AGAP1: variants seen among roughly 807,000 people sequenced by gnomAD.
The protein encoded by AGAP1 is ArfGAP with GTPase domain, ankyrin repeat and PH domain 1.
A neutral mutation model predicts 105.3 loss-of-function variants in AGAP1; 29 were observed. The observed-to-expected ratio is 0.28, with a 90% confidence interval of 0.21 to 0.38. The LOEUF (loss-of-function observed/expected upper bound fraction) is 0.38, where lower values mean the gene tolerates loss of function less well. Ranked by LOEUF, AGAP1 falls within the 10% of genes least tolerant of loss-of-function variation. AGAP1 has a pLI of 1.00. For missense variants in AGAP1, 998 were observed against 1,165.1 expected (o/e 0.86, Z 2.09); for synonymous variants, 509 against 485.9 (o/e 1.05, Z -0.63).
chr2:235,548,210 C>T (rs757754236), intron 1 of AGAP1, among the ~76,000 whole-genome samples: 20 of 152,222 alleles, frequency 1.3e-4, no homozygotes, highest in Non-Finnish European at 2.5e-4. Flanking sequence ...CTGGTAGTGA[C>T]AGGGCTGCCC....
At chr2:236,010,585 T>C (rs1356716538) in intron 13 of AGAP1, among the ~76,000 whole-genome samples, 1 of 152,186 alleles carries the variant, frequency 6.6e-6, no homozygotes, top group African/African-American at 2.4e-5. Flanking sequence ...AGAAAGTCCA[T>C]ACATAGCCAG....
At chr2:235,666,412 T>C (rs1443921790) in intron 1 of AGAP1, among the ~76,000 whole-genome samples, 1 of 152,082 alleles carries the variant, frequency 6.6e-6, no homozygotes, top group African/African-American at 2.4e-5. Flanking sequence ...GTCGGGAGCA[T>C]GTGTCTTCTT....
chr2:235,852,825 CCCAGCTGTCCGGGGCCATGATGAA>C, intron 9 of AGAP1: 5 of 1,502,478 alleles, frequency 3.3e-6, no homozygotes, highest in Non-Finnish European at 4.5e-6. Flanking sequence ...CCACAATCAG[CCCAGCTGTCCGGGGCCATGATGAA>C]TTAGCGGTGG....
At position 236,104,422 on chromosome 2, in the gene AGAP1, CAG is replaced by C. The variant is rs376100556; in HGVS notation, c.2115-15769_2115-15768del. Among the ~76,000 whole-genome samples, 4 of 152,274 alleles carry C rather than the reference CAG, an allele frequency of 2.6e-5. No individual in the cohort carries two copies. The highest frequency in any genetic ancestry group is 7.2e-5 in the African/African-American group (3 of 41,480). ...GCAGCCTCATCAAATGACTCCCCAACAGGGGTGGATCCTGCCCCTCGACCAGC... is the reference window on the plus strand; with the variant it reads ...GCAGCCTCATCAAATGACTCCCCAACGGGTGGATCCTGCCCCTCGACCAGC... On this transcript the variant is annotated intron_variant, in intron 16 of 17. Coordinates refer to ENST00000304032, the MANE Select transcript of AGAP1 (RefSeq NM_001037131.3). The surrounding 1 kb of genome is among the most constrained non-coding windows in gnomAD (Gnocchi z 4.7).
rs1016734905 is a variant in AGAP1 at position 235,620,888 on chromosome 2, G to A, written c.164-88291G>A. ...AATTGCAGCCCTACAGCTTTTATTG[G>A]TGACAAGTTCTTGACTCCCCATCAC... On this transcript the variant is annotated intron_variant, in intron 1 of 17. Coordinates refer to ENST00000304032, the MANE Select transcript of AGAP1 (RefSeq NM_001037131.3). The surrounding 1 kb of genome is among the most constrained non-coding windows in gnomAD (Gnocchi z 4.5). Among the ~76,000 whole-genome samples the A allele has an allele frequency of 7.9e-5, 12 of 152,160 alleles. No individual in the cohort carries two copies. The highest frequency in any genetic ancestry group is 3.9e-4 in the Admixed American group (6 of 15,280).
chr2:236,052,332 AAC>A (rs2125719625), intron 16 of AGAP1, among the ~76,000 whole-genome samples: 1 of 152,150 alleles, frequency 6.6e-6, no homozygotes, highest in East Asian at 1.9e-4. Context: ...CAAACACACA[AAC>A]ACACACAGAT....
intron 6 of AGAP1, among the ~76,000 whole-genome samples, chr2:235,785,589 T>C (rs1956577238): frequency 6.6e-6 from 1 of 152,118 alleles, no homozygotes; most frequent in Non-Finnish European, 1.5e-5. Context: ...TAGCATAATC[T>C]ATTTTTCTTT....
chr2:235,511,484 C>T (rs1031739155), intron 1 of AGAP1, among the ~76,000 whole-genome samples: 1 of 152,050 alleles, frequency 6.6e-6, no homozygotes, highest in Non-Finnish European at 1.5e-5. Context: ...TGTGACTCTC[C>T]CTCACTCCTC....
chr2:235,868,008 G>A (rs1435045853), intron 9 of AGAP1, among the ~76,000 whole-genome samples: 3 of 152,164 alleles, frequency 2.0e-5, no homozygotes, highest in Non-Finnish European at 4.4e-5. Context: ...AAATGCAAAT[G>A]TGTGATTGGT....
intron 1 of AGAP1, among the ~76,000 whole-genome samples, chr2:235,544,476 C>G (rs575397832): frequency 7.2e-5 from 11 of 152,356 alleles, no homozygotes; most frequent in African/African-American, 2.6e-4. Context: ...CTGAACCTTC[C>G]CGTGGTCCGT....
rs961850855 is a variant in AGAP1 at position 235,600,496 on chromosome 2, A to G, written c.163+105647A>G. The stretch of plus-strand genomic sequence containing the variant: ...TAGGGTTCTCTAGAGGGATGGAACC[A>G]ATAGGCCAGATATGTAATAAAGGGG... On this transcript the variant is annotated intron_variant, in intron 1 of 17. Transcript: ENST00000304032. The surrounding 1 kb of genome is among the most constrained non-coding windows in gnomAD (Gnocchi z 4.8). Among the ~76,000 whole-genome samples the G allele has an allele frequency of 6.6e-6, 1 of 152,086 alleles. No homozygotes were observed. The highest frequency in any genetic ancestry group is 2.4e-5 in the African/African-American group (1 of 41,392).
chr2:235,798,866 G>C (rs1190391728), intron 7 of AGAP1, among the ~76,000 whole-genome samples: 1 of 106,676 alleles, frequency 9.4e-6, no homozygotes, highest in Admixed American at 1.2e-4. Context: ...GTGAGACCCT[G>C]TCTCAAAAAA....
At chr2:235,779,071 G>A (rs1016967548) in intron 6 of AGAP1, among the ~76,000 whole-genome samples, 1 of 152,230 alleles carries the variant, frequency 6.6e-6, no homozygotes, top group Admixed American at 6.5e-5. Context: ...TTGCCTCACT[G>A]AGCTGGGAAC....
Position 235,977,032 on chromosome 2 carries a change from C to T in AGAP1, c.1645+8409C>T, listed in dbSNP as rs1012905238. Among the ~76,000 whole-genome samples the T allele has an allele frequency of 6.6e-6, 1 of 152,150 alleles. No homozygotes were observed. Among genetic ancestry groups the T allele is most frequent in the African/African-American group, 2.4e-5 (1 of 41,432 alleles). ...ACTCACAAGGTCCCTTTCTAAGATA[C>T]AGAAATGTGACGGACCTCAACTCCT... On this transcript the variant is annotated intron_variant, in intron 13 of 17. Transcript: ENST00000304032. This position sits in a 1 kb window ranked among gnomAD's most constrained non-coding sequence, Gnocchi z 5.2.
intron 12 of AGAP1, among the ~76,000 whole-genome samples, chr2:235,942,934 A>AAT (rs199696537): frequency 2.6e-5 from 4 of 151,896 alleles, no homozygotes; most frequent in African/African-American, 4.8e-5. Context: ...TAAAAAAAAA[A>AAT]TTCATTTAAT....
rs1943778585 is a variant in AGAP1 at position 235,550,733 on chromosome 2, A to G, written c.163+55884A>G. On this transcript the variant is annotated intron_variant, in intron 1 of 17. Coordinates refer to ENST00000304032, the MANE Select transcript of AGAP1 (RefSeq NM_001037131.3). This position sits in a 1 kb window ranked among gnomAD's most constrained non-coding sequence, Gnocchi z 4.6. The stretch of plus-strand genomic sequence containing the variant: ...CGATCGCAAATCCTTCCTGTGGCCA[A>G]AGAGTGAGCTCTTTGATGCTGATGA... 6.6e-6 allele frequency among the ~76,000 whole-genome samples: 1 copy of G among 152,166 alleles called. No homozygotes were observed. Among genetic ancestry groups the G allele is most frequent in the African/African-American group, 2.4e-5 (1 of 41,440 alleles).
intron 9 of AGAP1, among the ~76,000 whole-genome samples, chr2:235,869,598 C>A (rs2049343320): frequency 6.6e-6 from 1 of 152,160 alleles, no homozygotes; most frequent in African/African-American, 2.4e-5. Context: ...GAGACTCCGT[C>A]TCAAAAATAA....
At chr2:235,807,179 AGAGCCC>A in intron 8 of AGAP1, 54 bp from the exon 9 acceptor site, 2 of 1,525,038 alleles carry the variant, frequency 1.3e-6, no homozygotes, top group Admixed American at 4.0e-5. Context: ...AAACAGGGGC[AGAGCCC>A]CGTCTGTGAA....
intron 1 of AGAP1, among the ~76,000 whole-genome samples, chr2:235,502,000 AGGG>A: frequency 6.6e-6 from 1 of 152,176 alleles, no homozygotes; most frequent in Non-Finnish European, 1.5e-5. Context: ...ATTTTTATTC[AGGG>A]GTACAAGTGC....
Sources: gnomAD v4.1 joint callset for allele counts (sites outside exome capture counted in the v4.1 genomes callset) on GRCh38, gnomAD v4.1.1 for gene constraint, Gnocchi (gnomAD v3.1) non-coding constraint, MANE v1.5 for transcripts, NCBI Gene and HGNC (gene_info 2026-07-23, HGNC 2026-07-21) for gene names.